CPA6: variants seen among roughly 807,000 people sequenced by gnomAD.
CPA6 encodes the protein carboxypeptidase A6.
Under a neutral mutation model 63.3 loss-of-function variants are expected in CPA6, and 58 were observed. That is an observed-to-expected ratio of 0.92 (90% CI 0.74 to 1.14). The LOEUF is 1.14. Ranked by LOEUF, CPA6 falls within the 50% of genes most tolerant of loss-of-function variation. The pLI is 0.00. For synonymous variants in CPA6, 185 were observed against 179.0 expected (o/e 1.03, Z -0.27); for missense variants, 565 against 526.6 (o/e 1.07, Z -0.71).
intron 2 of CPA6, among the ~76,000 whole-genome samples, chr8:67,604,861 T>G (rs1185218366): frequency 1.3e-5 from 2 of 152,168 alleles, no homozygotes; most frequent in Non-Finnish European, 2.9e-5. Context: ...CACTGCAACC[T>G]CCACCTCCCG....
chr8:67,478,842 G>A (rs1811297907), intron 8 of CPA6, among the ~76,000 whole-genome samples: 1 of 152,096 alleles, frequency 6.6e-6, no homozygotes, highest in South Asian at 2.1e-4. Context: ...TTCGAGACCA[G>A]CCTGGCCAAC....
intron 1 of CPA6, among the ~76,000 whole-genome samples, chr8:67,690,054 T>C (rs1242428344): frequency 1.3e-5 from 2 of 152,202 alleles, no homozygotes; most frequent in Non-Finnish European, 2.9e-5. Flanking sequence ...TATATGTTTG[T>C]TGGCTGCTTT....
rs754796419 is a variant in CPA6 at position 67,434,229 on chromosome 8, A to C, written c.850T>G (p.Ser284Ala). ...WKVKWCDEGASMHPCDDTYCG... is the reference protein window; with the variant it reads ...WKVKWCDEGAAMHPCDDTYCG... Reference sequence around the variant, plus strand: ...TATGTGTCATCACAAGGGTGCATAGAAGCTCCTTCATCTGCAAGTCAGAAA... The same window carrying C: ...TATGTGTCATCACAAGGGTGCATAGCAGCTCCTTCATCTGCAAGTCAGAAA... Residue 284 changes from serine to alanine, a missense_variant, in exon 9 of 11, where the codon TCT (serine) becomes GCT (alanine). Transcript: ENST00000297770. The C allele has an allele frequency of 6.2e-7, 1 of 1,613,870 alleles. No individual in the cohort carries two copies. Among genetic ancestry groups the C allele is most frequent in the Non-Finnish European group, 8.5e-7 (1 of 1,179,846 alleles).
At chr8:67,472,375 TTTTTATTTTATTTTA>T (rs1042918150) in intron 8 of CPA6, among the ~76,000 whole-genome samples, 2 of 68,906 alleles carry the variant, frequency 2.9e-5, no homozygotes, top group Non-Finnish European at 6.6e-5. Flanking sequence ...AAGATTTATT[TTTTTATTTTATTTTA>T]TTTTATTTTA....
At chr8:67,536,488 CT>C (rs1189918211) in intron 2 of CPA6, among the ~76,000 whole-genome samples, 2 of 152,126 alleles carry the variant, frequency 1.3e-5, no homozygotes, top group African/African-American at 4.8e-5. Context: ...CATGATTTGG[CT>C]CTCTGTTGGT....
At chr8:67,431,939 G>A (rs1013907466) in intron 9 of CPA6, among the ~76,000 whole-genome samples, 5 of 152,196 alleles carry the variant, frequency 3.3e-5, no homozygotes, top group African/African-American at 1.2e-4. Flanking sequence ...AGTTTAAGGT[G>A]TAGGGAGAAA....
At chr8:67,514,242 G>A (rs2128966151) in intron 3 of CPA6, among the ~76,000 whole-genome samples, 1 of 152,206 alleles carries the variant, frequency 6.6e-6, no homozygotes, top group African/African-American at 2.4e-5. Context: ...ACAGGTGTGA[G>A]CCACCACGCC....
Position 67,700,357 on chromosome 8 carries a change from G to A in CPA6, c.116+45657C>T, listed in dbSNP as rs201408080. ...ACTATCTGGTAACTGACCCCAAACTGTATTTGCTAAGCTAATGTAAATCAT... is the reference window on the plus strand; with the variant it reads ...ACTATCTGGTAACTGACCCCAAACTATATTTGCTAAGCTAATGTAAATCAT... On this transcript the variant is annotated intron_variant, in intron 1 of 10. Transcript: ENST00000297770. Among the ~76,000 whole-genome samples, 7 of 152,212 alleles carry A rather than the reference G, an allele frequency of 4.6e-5. No homozygotes were observed. In the East Asian group the frequency reaches 1.3e-3, roughly 29 times the overall value.
chr8:67,729,702 T>C (rs148098341), intron 1 of CPA6, among the ~76,000 whole-genome samples: 1 of 152,204 alleles, frequency 6.6e-6, no homozygotes, highest in Non-Finnish European at 1.5e-5. Context: ...CAAAGACGGG[T>C]ATGCAAGGCT....
intron 1 of CPA6, among the ~76,000 whole-genome samples, chr8:67,660,254 T>A (rs1215946550): frequency 6.6e-6 from 1 of 150,680 alleles, no homozygotes; most frequent in Non-Finnish European, 1.5e-5. Flanking sequence ...ACTAGTAGGG[T>A]GGTGAGAATT....
chr8:67,528,655 A>T (rs183363772), intron 2 of CPA6, among the ~76,000 whole-genome samples: 15 of 152,040 alleles, frequency 9.9e-5, no homozygotes, highest in Admixed American at 8.5e-4. Flanking sequence ...TCCTTCCTCC[A>T]CATCCCTCAA....
intron 2 of CPA6, among the ~76,000 whole-genome samples, chr8:67,612,896 T>C (rs938956767): frequency 1.3e-5 from 2 of 152,304 alleles, no homozygotes; most frequent in Non-Finnish European, 2.9e-5. Flanking sequence ...CATTTTTGAT[T>C]ATACAAAAAC....
intron 9 of CPA6, among the ~76,000 whole-genome samples, chr8:67,428,544 C>T (rs917574234): frequency 6.6e-6 from 1 of 152,036 alleles, no homozygotes. Context: ...AGTGCAATGG[C>T]GCGATCTCTG....
intron 8 of CPA6, among the ~76,000 whole-genome samples, chr8:67,455,726 G>GT (rs1025463442): frequency 3.0e-4 from 35 of 114,800 alleles, no homozygotes; most frequent in African/African-American, 1.1e-3. Context: ...TTTTTTGTTT[G>GT]TTTTTTGTTT....
chr8:67,575,633 G>C lies in CPA6; in HGVS notation c.192+48543C>G, dbSNP rs558152122. On this transcript the variant is annotated intron_variant, in intron 2 of 10. Transcript: ENST00000297770. ...GCAGTTTGGGAGGCCAAGGCGAGAGGATCACCTGAGGCCAGGAGTTCGAGA... is the reference window on the plus strand; with the variant it reads ...GCAGTTTGGGAGGCCAAGGCGAGAGCATCACCTGAGGCCAGGAGTTCGAGA... Among the ~76,000 whole-genome samples the C allele has an allele frequency of 7.9e-5, 12 of 152,284 alleles. No individual in the cohort carries two copies. In the South Asian group the frequency reaches 2.3e-3, roughly 29 times the overall value.
Position 67,434,222 on chromosome 8 carries a change from T to A in CPA6, c.857A>T (p.His286Leu). 5.0e-6 allele frequency: 8 copies of A among 1,613,944 alleles called. No individual in the cohort carries two copies. The highest frequency in any genetic ancestry group is 1.3e-5 in the African/African-American group (1 of 75,028). Residue 286 changes from histidine (H) to leucine (L), a missense_variant, in exon 9 of 11, where the codon CAC becomes CTC. Physicochemically the swap from His to Leu is moderately conservative, Grantham distance 99. Coordinates refer to ENST00000297770, the MANE Select transcript of CPA6 (RefSeq NM_020361.5). Reference protein sequence around the residue: ...VKWCDEGASMHPCDDTYCGPF... With the variant: ...VKWCDEGASMLPCDDTYCGPF... The stretch of plus-strand genomic sequence containing the variant: ...GCCACAGTATGTGTCATCACAAGGG[T>A]GCATAGAAGCTCCTTCATCTGCAAG...
At chr8:67,579,744 G>T (rs1813717867) in intron 2 of CPA6, among the ~76,000 whole-genome samples, 1 of 152,172 alleles carries the variant, frequency 6.6e-6, no homozygotes, top group Non-Finnish European at 1.5e-5. Context: ...GTTTTAAATA[G>T]TTAAGAAAGA....
At chr8:67,460,195 A>G (rs1587450194) in intron 8 of CPA6, among the ~76,000 whole-genome samples, 1 of 152,202 alleles carries the variant, frequency 6.6e-6, no homozygotes, top group East Asian at 1.9e-4. Context: ...ACCAAGTATT[A>G]TTCGTACTGG....
chr8:67,577,466 T>C (rs1338153220), intron 2 of CPA6, among the ~76,000 whole-genome samples: 1 of 152,104 alleles, frequency 6.6e-6, no homozygotes, highest in Non-Finnish European at 1.5e-5. Flanking sequence ...AGGTTCCTAA[T>C]AGGGAAGATT....
Sources: gnomAD v4.1 joint callset for allele counts (sites outside exome capture counted in the v4.1 genomes callset) on GRCh38, gnomAD v4.1.1 for gene constraint, MANE v1.5 for transcripts, NCBI Gene and HGNC (gene_info 2026-07-23, HGNC 2026-07-21) for gene names.